RHOBTB3: variants seen among roughly 807,000 people sequenced by gnomAD.
RHOBTB3 encodes Rho related BTB domain containing 3, also known as rho-related BTB domain-containing protein 3.
In RHOBTB3, 47 loss-of-function variants were observed where a neutral mutation model predicts 67.2. The observed-to-expected ratio is 0.70, with a 90% confidence interval of 0.55 to 0.89. The LOEUF is 0.89. RHOBTB3 is among the 40% of genes least tolerant of loss of function. RHOBTB3 has a pLI of 0.00. For synonymous variants in RHOBTB3, 273 were observed against 274.2 expected, an observed-to-expected ratio of 1.00 and a Z score of 0.04; for missense variants, 631 against 750.0, an observed-to-expected ratio of 0.84 and a Z score of 1.85.
At position 95,780,287 on chromosome 5, in the gene RHOBTB3, GC is replaced by G. The variant is rs746216443; in HGVS notation, c.1321del (p.Arg441ValfsTer4). ...TVPAHRAILVARCEVMAAMFN... is the reference protein window; with the variant it reads ...TVPAHRAILVXRCEVMAAMFN... ...GCCAGCCCACAGGGCCATCCTGGTG[GC>G]CCGTTGTGAAGTGATGGCAGCCATG... On this transcript the variant is annotated frameshift_variant, in exon 9 of 12. Transcript: ENST00000379982. LOFTEE classifies it high-confidence loss of function. The G allele has an allele frequency of 6.2e-7, 1 of 1,613,820 alleles. No individual in the cohort carries two copies. The highest frequency in any genetic ancestry group is 1.7e-5 in the Admixed American group (1 of 60,004).
At chr5:95,749,228 A>G (rs930992510) in intron 4 of RHOBTB3, among the ~76,000 whole-genome samples, 1 of 152,246 alleles carries the variant, frequency 6.6e-6, no homozygotes, top group African/African-American at 2.4e-5. Context: ...TGAGAAGTTA[A>G]AAGCAAAGAA....
At chr5:95,730,205 G>GT (rs1561435735), upstream of RHOBTB3, among the ~76,000 whole-genome samples, 1 of 152,038 alleles carries the variant, frequency 6.6e-6, no homozygotes, top group Non-Finnish European at 1.5e-5. Context: ...TGTTGCCCTA[G>GT]TTTTTTTACT....
chr5:95,748,410 G>T lies in RHOBTB3; in HGVS notation c.493G>T (p.Ala165Ser). Residue 165 changes from alanine (A) to serine (S), a missense_variant, in exon 4 of 12, where the codon GCA (alanine) becomes TCA (serine). Ala to Ser is a moderately conservative substitution (Grantham distance 99). Transcript: ENST00000379982. Reference protein sequence around the residue: ...CVSTTEGIQLAKELGATYLEL... With the variant: ...CVSTTEGIQLSKELGATYLEL... ...TAGTACAACTGAAGGGATCCAACTTGCAAAAGAACTAGGAGCGACCTATCT... is the reference window on the plus strand; with the variant it reads ...TAGTACAACTGAAGGGATCCAACTTTCAAAAGAACTAGGAGCGACCTATCT... 6.2e-7 allele frequency: 1 copy of T among 1,613,428 alleles called. No individual in the cohort carries two copies. Among genetic ancestry groups the T allele is most frequent in the Non-Finnish European group, 8.5e-7 (1 of 1,179,466 alleles).
chr5:95,733,821 C>G (rs1407747923), intron 2 of RHOBTB3, among the ~76,000 whole-genome samples: 1 of 152,082 alleles, frequency 6.6e-6, no homozygotes, highest in Non-Finnish European at 1.5e-5. Context: ...TTGCATTAAT[C>G]AACTGTTATT....
At chr5:95,776,561 A>T (rs959187479) in intron 8 of RHOBTB3, among the ~76,000 whole-genome samples, 3 of 152,208 alleles carry the variant, frequency 2.0e-5, no homozygotes, top group Admixed American at 2.0e-4. Flanking sequence ...CGTGAATATT[A>T]ACCTCATGAG....
chr5:95,728,949 C>CA (rs1755137695), upstream of RHOBTB3, among the ~76,000 whole-genome samples: 2 of 152,180 alleles, frequency 1.3e-5, no homozygotes, highest in Non-Finnish European at 2.9e-5. Flanking sequence ...GACACTCCAC[C>CA]AGCACAATGA....
intron 9 of RHOBTB3, among the ~76,000 whole-genome samples, chr5:95,783,183 A>G (rs1746111679): frequency 6.6e-6 from 1 of 151,470 alleles, no homozygotes; most frequent in Non-Finnish European, 1.5e-5. Flanking sequence ...GTGCAGTGGC[A>G]TGATCTCCGC....
chr5:95,732,167 CGT>C, intron 2 of RHOBTB3, 83 bp downstream of exon 2: 2 of 1,275,684 alleles, frequency 1.6e-6, no homozygotes, highest in Non-Finnish European at 2.3e-6. Context: ...TGCCCACTTC[CGT>C]GAGTGTGGAG....
chr5:95,783,738 T>G lies in RHOBTB3; in HGVS notation c.1457-59T>G, dbSNP rs889187256. On this transcript the variant is annotated intron_variant, in intron 9 of 11. Transcript: ENST00000379982. Reference sequence around the variant, plus strand: ...TTGTTTTTTGTTGGTGGGGGGTGTTTAGATCATTAAAGAAATGGTTTCATC... The same window carrying G: ...TTGTTTTTTGTTGGTGGGGGGTGTTGAGATCATTAAAGAAATGGTTTCATC... 2.7e-6 allele frequency: 4 copies of G among 1,462,334 alleles called. No homozygotes were observed. The African/African-American group carries it at 5.6e-5, about 20-fold the overall frequency. 90.6% of individuals were successfully genotyped at this position (1,462,334 alleles called of 1,614,324 possible).
intron 5 of RHOBTB3, among the ~76,000 whole-genome samples, chr5:95,753,949 A>C (rs1745167440): frequency 6.6e-6 from 1 of 152,150 alleles, no homozygotes; most frequent in Admixed American, 6.5e-5. Context: ...GTTTCTACTA[A>C]AAATACAAAA....
At position 95,752,239 on chromosome 5, in the gene RHOBTB3, T is replaced by C. The variant is rs565144614; in HGVS notation, c.571T>C (p.Leu191=). ...FYIGKYFGGV[L]EYFMIQALNQ... is the part of the protein sequence containing the mutation. ...AATTAAAATTTGATTCCTGTTTTAG[T>C]TGGAGTATTTTATGATTCAAGCCTT... The change falls in exon 5 of 12, where the codon TTG becomes CTG. Residue 191 remains leucine (L), a splice_region_variant and synonymous_variant. Transcript: ENST00000379982. The C allele has an allele frequency of 1.1e-5, 16 of 1,518,424 alleles. No homozygotes were observed. The South Asian group carries it at 1.8e-4, about 17-fold the overall frequency. 94.1% of individuals were successfully genotyped at this position (1,518,424 alleles called of 1,614,324 possible).
intron 5 of RHOBTB3, among the ~76,000 whole-genome samples, chr5:95,754,332 C>T (rs935215669): frequency 5.9e-5 from 9 of 152,030 alleles, no homozygotes; most frequent in African/African-American, 1.4e-4. Flanking sequence ...GTTCCAAGGA[C>T]GGATCCTGGG....
intron 8 of RHOBTB3, 45 bp downstream of exon 8, chr5:95,768,211 T>G: frequency 6.4e-7 from 1 of 1,565,258 alleles, no homozygotes; most frequent in Non-Finnish European, 8.7e-7. Context: ...TTTTATTTCT[T>G]GTTTTCTTTC....
At chr5:95,782,269 G>A (rs957859426) in intron 9 of RHOBTB3, 4 of 152,124 alleles carry the variant, frequency 2.6e-5, no homozygotes, top group Non-Finnish European at 4.4e-5. Context: ...ACAAAAGAAT[G>A]TAAGAATGTA....
intron 1 of RHOBTB3, among the ~76,000 whole-genome samples, chr5:95,722,710 G>A (rs541806390): frequency 6.6e-6 from 1 of 152,278 alleles, no homozygotes; most frequent in South Asian, 2.1e-4. Flanking sequence ...GGCTGGTCTT[G>A]AACTCCTGTT....
chr5:95,745,888 A>G (rs1744897314), intron 3 of RHOBTB3, among the ~76,000 whole-genome samples: 1 of 152,050 alleles, frequency 6.6e-6, no homozygotes, highest in Non-Finnish European at 1.5e-5. Flanking sequence ...GGAATCTTAG[A>G]TCATATAGCT....
upstream of RHOBTB3, chr5:95,731,323 C>A (rs905648036): frequency 9.3e-7 from 1 of 1,079,486 alleles, no homozygotes; most frequent in Non-Finnish European, 1.1e-6. Context: ...GGAGGAGGAG[C>A]AGCGGCAGCG....
At chr5:95,775,476 CTCTT>C (rs1053364527) in intron 8 of RHOBTB3, among the ~76,000 whole-genome samples, 3 of 150,286 alleles carry the variant, frequency 2.0e-5, no homozygotes, top group Non-Finnish European at 3.0e-5. Context: ...ACATATCTCT[CTCTT>C]TCTCTCAAAT....
At chr5:95,791,658 G>T (rs1746394674) in intron 11 of RHOBTB3, among the ~76,000 whole-genome samples, 1 of 151,844 alleles carries the variant, frequency 6.6e-6, no homozygotes, top group Non-Finnish European at 1.5e-5. Flanking sequence ...ATCCTCCTCA[G>T]TAGCTGGGAT....
Sources: allele counts gnomAD v4.1 joint callset (sites outside exome capture counted in the v4.1 genomes callset), GRCh38; gene constraint gnomAD v4.1.1; transcripts MANE v1.5; gene names NCBI Gene and HGNC (gene_info 2026-07-23, HGNC 2026-07-21).